The following MKKS variants were observed in gnomAD, a reference collection of about 807,000 sequenced individuals.
The protein encoded by MKKS is molecular chaperone MKKS.
A neutral mutation model predicts 33.2 loss-of-function variants in MKKS; 29 were observed. The observed-to-expected ratio is 0.87, with a 90% CI of 0.65 to 1.19. MKKS has a LOEUF of 1.19. Among genes scored for constraint, MKKS ranks in the 50% most tolerant of loss-of-function variants. MKKS has a pLI of 0.00. For synonymous variants in MKKS, 260 were observed against 244.0 expected, an observed-to-expected ratio of 1.07 and a Z score of -0.61; for missense variants, 661 against 662.3, an observed-to-expected ratio of 1.00 and a Z score of 0.02.
intron 2 of MKKS, among the ~76,000 whole-genome samples, chr20:10,414,910 G>A (rs1225828755): frequency 2.0e-5 from 3 of 152,076 alleles, no homozygotes; most frequent in East Asian, 3.9e-4. Flanking sequence ...CCTAGTCAAC[G>A]AATCCTCCCC....
rs1480964663 is a variant in MKKS at position 10,433,297 on chromosome 20, C to T, written c.-649+811G>A. Among the ~76,000 whole-genome samples, 3 of 152,212 alleles carry T rather than the reference C, an allele frequency of 2.0e-5. No individual in the cohort carries two copies. The East Asian group carries it at 5.8e-4, about 29-fold the overall frequency. On this transcript the variant is annotated intron_variant, in intron 1 of 5. Coordinates refer to ENST00000347364, the MANE Select transcript of MKKS (RefSeq NM_170784.3). ...GGGGTTACAGGGGTGAGCCACCAAA[C>T]CCCGCCGCCCCAAAATATTTTCTAT...
In MKKS at chr20:10,403,435, A is replaced by G. The variant is rs116917915; in HGVS notation, c.*1812T>C. The G allele has an allele frequency of 0.015, 2,342 of 151,774 alleles. 37 individuals carry two copies. The highest frequency in any genetic ancestry group is 0.026 in the Non-Finnish European group (1,767 of 67,940). 9.4% of individuals were successfully genotyped at this position (151,774 alleles called of 1,614,324 possible). ...TCCTCAAAAGTTTCACTTTTGCATT[A>G]CAACATCAGCTCAAAGTTCAGAATC... is the stretch of plus-strand genomic sequence containing the variant. On this transcript the variant is annotated 3_prime_UTR_variant, in exon 6 of 6. Transcript: ENST00000347364.
chr20:10,413,508 G>A lies in MKKS; in HGVS notation c.7C>T (p.Arg3Cys), dbSNP rs779042065. ...AATGATGGCTTCTTAGCTTCCAAACGAGACATCTTACTTCAGGTGGTAACT... is the reference window on the plus strand; with the variant it reads ...AATGATGGCTTCTTAGCTTCCAAACAAGACATCTTACTTCAGGTGGTAACT... Reference protein sequence around the residue: MSRLEAKKPSLCK... With the variant: MSCLEAKKPSLCK... Residue 3 changes from arginine to cysteine, a missense_variant, in exon 3 of 6, where the codon CGT becomes TGT. Transcript: ENST00000347364. 6.9e-5 allele frequency: 112 copies of A among 1,614,028 alleles called. 2 individuals are homozygous for A. The Middle Eastern group carries it at 1.8e-3, about 26-fold the overall frequency.
chr20:10,433,335 G>T (rs2065068468), intron 1 of MKKS, among the ~76,000 whole-genome samples: 1 of 152,194 alleles, frequency 6.6e-6, no homozygotes, highest in South Asian at 2.1e-4. Flanking sequence ...GCAGTTGGTT[G>T]AATTCACACA....
rs1178770226 is a variant in MKKS at position 10,412,939 on chromosome 20, GC to G, written c.575del (p.Gly192AlafsTer5). 1 of 1,613,708 alleles carries G rather than the reference GC, an allele frequency of 6.2e-7. No individual in the cohort carries two copies. Among genetic ancestry groups the G allele is most frequent in the African/African-American group, 1.3e-5 (1 of 74,960 alleles). Reference protein sequence around the residue: ...FLLTIPENAEGHIILGKSLIV... With the variant: ...FLLTIPENAEXHIILGKSLIV... ...TTAAACTCTTTCCTAAAATGATGTG[GC>G]CTTCAGCATTTTCTGGAATTGTAAG... On this transcript the variant is annotated frameshift_variant, in exon 3 of 6. Coordinates refer to ENST00000347364, the MANE Select transcript of MKKS (RefSeq NM_170784.3). LOFTEE classifies it high-confidence loss of function.
rs1380430524 is a variant in MKKS, at chr20:10,402,920, T to G, written c.*2327A>C. ...CTGTATAAGAAAGTACATCCCAAAT[T>G]TGACTTAAAACAACATTTATTATCT... On this transcript the variant is annotated 3_prime_UTR_variant, in exon 6 of 6. Transcript: ENST00000347364. The G allele has an allele frequency of 6.6e-6, 1 of 152,206 alleles. No individual in the cohort carries two copies. The highest frequency in any genetic ancestry group is 1.5e-5 in the Non-Finnish European group (1 of 68,038). 9.4% of individuals were successfully genotyped at this position (152,206 alleles called of 1,614,324 possible).
chr20:10,413,244 A>T lies in MKKS; in HGVS notation c.271T>A (p.Cys91Ser). ...CAAAGAATAGCTGTGAATAAGCCAC[A>T]ATCACTGAAGCTTGACACATGATTC... ...IQNHVSSFSD[C>S]GLFTAILCCN... The change falls in exon 3 of 6, where the codon TGT becomes AGT. Residue 91 changes from cysteine to serine, a missense_variant. Coordinates refer to ENST00000347364, the MANE Select transcript of MKKS (RefSeq NM_170784.3). The T allele has an allele frequency of 6.2e-7, 1 of 1,614,240 alleles. No homozygotes were observed. The highest frequency in any genetic ancestry group is 8.5e-7 in the Non-Finnish European group (1 of 1,180,036).
chr20:10,412,374 A>T (rs1260405048), intron 3 of MKKS, among the ~76,000 whole-genome samples, 156 bp downstream of exon 3: 5 of 152,208 alleles, frequency 3.3e-5, no homozygotes, highest in Admixed American at 3.3e-4. Context: ...TGAACAATAC[A>T]GGATCTTTTC....
At chr20:10,419,126 T>C (rs2064961534) in intron 2 of MKKS, among the ~76,000 whole-genome samples, 1 of 152,146 alleles carries the variant, frequency 6.6e-6, no homozygotes, top group Non-Finnish European at 1.5e-5. Context: ...GGCTTATAAA[T>C]AAGGAAAATC....
Position 10,413,467 on chromosome 20 carries a change from TG to T in MKKS, c.47del (p.Pro16HisfsTer2), listed in dbSNP as rs1224308508. 1 of 1,614,188 alleles carries T rather than the reference TG, an allele frequency of 6.2e-7. No homozygotes were observed. ...AKKPSLCKSE[P>X]LTTERVRTTL... ...TGGTCCTGACTCTCTCAGTTGTCAG[TG>T]GTTCACTCTTACACAATGATGGCTT... On this transcript the variant is annotated frameshift_variant, in exon 3 of 6. Coordinates refer to ENST00000347364, the MANE Select transcript of MKKS (RefSeq NM_170784.3). LOFTEE classifies it high-confidence loss of function.
intron 1 of MKKS, among the ~76,000 whole-genome samples, chr20:10,425,852 T>C (rs568064789): frequency 2.0e-5 from 3 of 152,322 alleles, no homozygotes; most frequent in Admixed American, 6.5e-5. Context: ...CCTTTCTTTC[T>C]TTCCTGAATC....
rs1322882452 is a variant in MKKS, at chr20:10,412,515, A to G, written c.985+15T>C. 2.5e-6 allele frequency: 4 copies of G among 1,612,404 alleles called. No individual in the cohort carries two copies. The African/African-American group carries it at 5.3e-5, about 22-fold the overall frequency. ...TTATTAACTGTAAGAGGCAAAAGCA[A>G]AGAGTGATTTTTACCTGTCATTTTA... is the stretch of plus-strand genomic sequence containing the variant. On this transcript the variant is annotated intron_variant, in intron 3 of 5. Transcript: ENST00000347364.
At chr20:10,415,412 T>C (rs1029240917) in intron 2 of MKKS, among the ~76,000 whole-genome samples, 9 of 152,216 alleles carry the variant, frequency 5.9e-5, no homozygotes, top group Non-Finnish European at 8.8e-5. Context: ...GCAAATGTTA[T>C]TTTGGTTACC....
At chr20:10,414,182 A>G (rs1211189079) in intron 2 of MKKS, among the ~76,000 whole-genome samples, 1 of 152,132 alleles carries the variant, frequency 6.6e-6, no homozygotes, top group African/African-American at 2.4e-5. Flanking sequence ...ATGGCTAGAA[A>G]GCTTACAGCA....
rs1351836331 is a variant in MKKS, at chr20:10,402,278, C to T, written c.*2969G>A. 6.6e-6 allele frequency: 1 copy of T among 152,244 alleles called. No individual in the cohort carries two copies. The highest frequency in any genetic ancestry group is 1.9e-4 in the East Asian group (1 of 5,188). 9.4% of individuals were successfully genotyped at this position (152,244 alleles called of 1,614,324 possible). On this transcript the variant is annotated 3_prime_UTR_variant, in exon 6 of 6. Coordinates refer to ENST00000347364, the MANE Select transcript of MKKS (RefSeq NM_170784.3). ...CACTGCCTGAGGCTTACCTTAGTTGCTATTTTTACTTATCATTTATTTCTG... is the reference window on the plus strand; with the variant it reads ...CACTGCCTGAGGCTTACCTTAGTTGTTATTTTTACTTATCATTTATTTCTG...
intron 5 of MKKS, among the ~76,000 whole-genome samples, chr20:10,407,380 A>G (rs140022319): frequency 6.6e-6 from 1 of 152,174 alleles, no homozygotes; most frequent in Non-Finnish European, 1.5e-5. Flanking sequence ...ATATTACCTT[A>G]TATTTACCTT....
At chr20:10,425,959 G>T (rs375358330) in intron 1 of MKKS, among the ~76,000 whole-genome samples, 1 of 152,216 alleles carries the variant, frequency 6.6e-6, no homozygotes, top group Admixed American at 6.5e-5. Flanking sequence ...AAGTAAAATA[G>T]AGTTGATATT....
At chr20:10,430,038 C>CAA (rs33986973) in intron 1 of MKKS, among the ~76,000 whole-genome samples, 7 of 152,004 alleles carry the variant, frequency 4.6e-5, no homozygotes, top group East Asian at 1.9e-4. Context: ...AAACAAAAAA[C>CAA]AAAAAAACAA....
rs1491373407 is a variant in MKKS, at chr20:10,417,683, A to AT, written c.-418+2844dup. On this transcript the variant is annotated intron_variant, in intron 2 of 5. Coordinates refer to ENST00000347364, the MANE Select transcript of MKKS (RefSeq NM_170784.3). ...GTAGCCTTCTCTGTAAAAAAAAAAA[A>AT]TCAACATCATCATCAAAAGTGGATC... Among the ~76,000 whole-genome samples the AT allele has an allele frequency of 1.4e-5, 2 of 148,070 alleles. 1 individual carries two copies. The highest frequency in any genetic ancestry group is 3.0e-5 in the Non-Finnish European group (2 of 66,810).
Sources: gnomAD v4.1 joint callset for allele counts (sites outside exome capture counted in the v4.1 genomes callset) on GRCh38, gnomAD v4.1.1 for gene constraint, MANE v1.5 for transcripts, NCBI Gene and HGNC (gene_info 2026-07-23, HGNC 2026-07-21) for gene names.